Variants in NEURL3 observed in about 807,000 individuals in gnomAD.
NEURL3 encodes the protein E3 ubiquitin-protein ligase NEURL3.
In NEURL3, 19 loss-of-function variants were observed where a neutral mutation model predicts 17.6. That is an observed-to-expected ratio of 1.08 (90% CI 0.75 to 1.58). The LOEUF is 1.58. NEURL3 is among the 40% of genes most tolerant of loss of function. The probability of loss-of-function intolerance (pLI) is 0.00; values close to 1 mark genes in which losing one functional copy is unlikely to be tolerated. For missense variants in NEURL3, 342 were observed against 379.6 expected, an observed-to-expected ratio of 0.90 and a Z score of 0.82; for synonymous variants, 180 against 161.4, an observed-to-expected ratio of 1.11 and a Z score of -0.87.
At chr2:96,500,968 ACCCACCAGC>A in intron 1 of NEURL3, 44 bp from the exon 2 acceptor site, 1 of 1,475,714 alleles carries the variant, frequency 6.8e-7, no homozygotes, top group Non-Finnish European at 8.9e-7. Context: ...CCGGGTCTGG[ACCCACCAGC>A]TCCCCAGAGA....
chr2:96,506,046 C>A (rs1189568507), upstream of NEURL3, among the ~76,000 whole-genome samples: 1 of 152,172 alleles, frequency 6.6e-6, no homozygotes, highest in Non-Finnish European at 1.5e-5. Flanking sequence ...TCTAGCCCGT[C>A]AATATTTATT....
upstream of NEURL3, among the ~76,000 whole-genome samples, chr2:96,505,767 A>G (rs1236450637): frequency 6.6e-6 from 1 of 152,238 alleles, no homozygotes; most frequent in Admixed American, 6.5e-5. Context: ...AGACCCTGGC[A>G]CACAGAAGGA....
In NEURL3 at chr2:96,500,700, G is replaced by T. The variant is rs1207509059; in HGVS notation, c.253C>A (p.Pro85Thr). The change falls in exon 2 of 4, where the codon CCC becomes ACC. Residue 85 changes from proline (P) to threonine (T), a missense_variant. Transcript: ENST00000451794. ...GLRVGFTRLD[P>T]ACVSVPSLPP... The stretch of plus-strand genomic sequence containing the variant: ...AGGCTGGGCACGGACACGCACGCGG[G>T]GTCCAGGCGCGTGAAGCCCACGCGG... 2.4e-5 allele frequency: 36 copies of T among 1,514,100 alleles called. No homozygotes were observed. Among genetic ancestry groups the T allele is most frequent in the Non-Finnish European group, 3.0e-5 (34 of 1,138,322 alleles). The allele number at this position is 1,514,100 out of a possible 1,614,324, so 93.8% of individuals were successfully genotyped here. A position where few individuals can be genotyped will look rare whatever the true frequency, so the allele number is the denominator to read the frequency against.
At chr2:96,505,819 G>C (rs1295444963), upstream of NEURL3, among the ~76,000 whole-genome samples, 1 of 152,226 alleles carries the variant, frequency 6.6e-6, no homozygotes, top group Non-Finnish European at 1.5e-5. Context: ...TGCATTTGCT[G>C]TATCCCAGGA....
intron 1 of NEURL3, among the ~76,000 whole-genome samples, chr2:96,504,055 T>G (rs2065537327): frequency 6.6e-6 from 1 of 152,316 alleles, no homozygotes; most frequent in Non-Finnish European, 1.5e-5. Flanking sequence ...GGGGGTGGAC[T>G]GCCTGCGGGC....
chr2:96,500,796 G>C lies in NEURL3; in HGVS notation c.157C>G (p.Arg53Gly). The C allele has an allele frequency of 6.6e-7, 1 of 1,526,356 alleles. No homozygotes were observed. Among genetic ancestry groups the C allele is most frequent in the Non-Finnish European group, 8.8e-7 (1 of 1,142,194 alleles). The allele number at this position is 1,526,356 out of a possible 1,614,324, so 94.6% of individuals were successfully genotyped here. Residue 53 changes from arginine to glycine, a missense_variant, in exon 2 of 4, where the codon CGG becomes GGG. Arg to Gly is a moderately radical substitution (Grantham distance 125). Coordinates refer to ENST00000451794, the MANE Select transcript of NEURL3 (RefSeq NM_001285485.2). Reference sequence around the variant, plus strand: ...ACACGCTCGCCCAGGCGCACCGGCCGCTGGCTGAACACGATGCCGTCGTGG... The same window carrying C: ...ACACGCTCGCCCAGGCGCACCGGCCCCTGGCTGAACACGATGCCGTCGTGG... ...TFHDGIVFSQ[R>G]PVRLGERVAL...
intron 2 of NEURL3, chr2:96,500,148 A>G (rs2065487331): frequency 2.3e-6 from 1 of 444,212 alleles, no homozygotes; most frequent in Non-Finnish European, 4.1e-6. Context: ...AGCCAGCCCA[A>G]ATGTTTCTTC....
intron 1 of NEURL3, among the ~76,000 whole-genome samples, chr2:96,503,927 A>T (rs1202774054): frequency 2.6e-5 from 4 of 152,230 alleles, no homozygotes; most frequent in Non-Finnish European, 5.9e-5. Context: ...ACCTAGAGGC[A>T]GCCGCTCTTT....
intron 1 of NEURL3, among the ~76,000 whole-genome samples, chr2:96,503,759 C>G (rs2065533568): frequency 6.6e-6 from 1 of 152,174 alleles, no homozygotes; most frequent in Admixed American, 6.5e-5. Context: ...CTGCAGGGGT[C>G]CTCCCACACT....
intron 1 of NEURL3, among the ~76,000 whole-genome samples, chr2:96,502,179 C>A (rs967991954): frequency 6.6e-6 from 1 of 152,230 alleles, no homozygotes; most frequent in African/African-American, 2.4e-5. Flanking sequence ...ATTCACCCCT[C>A]GCCTGCGCCC....
At position 96,501,015 on chromosome 2, in the gene NEURL3, C is replaced by A. The variant is rs150503646; in HGVS notation, c.29-91G>T. On this transcript the variant is annotated intron_variant, in intron 1 of 3. Transcript: ENST00000451794. ...CCCCAGTATCCCAGAGTCCCTCACACCTGGGAGCACCTTGACCTTCCCCTA... is the reference window on the plus strand; with the variant it reads ...CCCCAGTATCCCAGAGTCCCTCACAACTGGGAGCACCTTGACCTTCCCCTA... 93 of 1,379,648 alleles carry A rather than the reference C, an allele frequency of 6.7e-5. 1 individual carries two copies. The Middle Eastern group carries it at 3.5e-3, about 52-fold the overall frequency. The allele number at this position is 1,379,648 out of a possible 1,614,324, so 85.5% of individuals were successfully genotyped here. A position where few individuals can be genotyped will look rare whatever the true frequency, so the allele number is the denominator to read the frequency against.
Position 96,499,456 on chromosome 2 carries a change from CAG to C in NEURL3, c.515-9_515-8del, listed in dbSNP as rs966000726. On this transcript the variant is annotated splice_region_variant and splice_polypyrimidine_tract_variant and intron_variant, in intron 2 of 3. Transcript: ENST00000451794. Reference sequence around the variant, plus strand: ...AGCCGGCTGGCTGTGGGATCTGAGGCAGAGAGAGAAACTCAGGTCCAGGACGG... The same window carrying C: ...AGCCGGCTGGCTGTGGGATCTGAGGCAGAGAGAAACTCAGGTCCAGGACGG... 34 of 1,599,308 alleles carry C rather than the reference CAG, an allele frequency of 2.1e-5. No individual in the cohort carries two copies. The highest frequency in any genetic ancestry group is 2.8e-5 in the Non-Finnish European group (33 of 1,179,730).
At chr2:96,505,452 A>G (rs2065553420), upstream of NEURL3, 2 of 672,756 alleles carry the variant, frequency 3.0e-6, no homozygotes, top group Admixed American at 5.1e-5. Flanking sequence ...TACTATATCC[A>G]GGGGATTTCC....
rs377316520 is a variant in NEURL3, at chr2:96,505,299, C to T, written c.-13G>A. 24 of 1,599,002 alleles carry T rather than the reference C, an allele frequency of 1.5e-5. No homozygotes were observed. The African/African-American group carries it at 2.1e-4, about 14-fold the overall frequency. ...GCTGGGCACCCATCAGTCTAAGGTCCTCGGGCACAGGTCCCCAGGTCTAGA... is the reference window on the plus strand; with the variant it reads ...GCTGGGCACCCATCAGTCTAAGGTCTTCGGGCACAGGTCCCCAGGTCTAGA... On this transcript the variant is annotated 5_prime_UTR_variant, in exon 1 of 4. Transcript: ENST00000451794.
rs1021563624 is a variant in NEURL3, at chr2:96,500,817, C to A, written c.136G>T (p.Asp46Tyr). Residue 46 changes from aspartate (D) to tyrosine (Y), a missense_variant, in exon 2 of 4, where the codon GAC becomes TAC. Coordinates refer to ENST00000451794, the MANE Select transcript of NEURL3 (RefSeq NM_001285485.2). ...GGCCGCTGGCTGAACACGATGCCGTCGTGGAACGTGGTGCGCCTGTGCGCG... is the reference window on the plus strand; with the variant it reads ...GGCCGCTGGCTGAACACGATGCCGTAGTGGAACGTGGTGCGCCTGTGCGCG... ...CIAHRRTTFHDGIVFSQRPVR... is the reference protein window; with the variant it reads ...CIAHRRTTFHYGIVFSQRPVR... 5.2e-6 allele frequency: 8 copies of A among 1,527,688 alleles called. No individual in the cohort carries two copies. In the Admixed American group the frequency reaches 9.9e-5, roughly 19 times the overall value. The allele number at this position is 1,527,688 out of a possible 1,614,324, so 94.6% of individuals were successfully genotyped here.
chr2:96,498,309 A>T lies in NEURL3; in HGVS notation c.724T>A (p.Trp242Arg), dbSNP rs769928677. 2 of 1,596,558 alleles carry T rather than the reference A, an allele frequency of 1.3e-6. No homozygotes were observed. The highest frequency in any genetic ancestry group is 1.7e-6 in the Non-Finnish European group (2 of 1,178,712). ...SDTAKCPVCR[W>R]QIEAVAPAQG... ...GCAGGGGCTACCGCCTCTATCTGCC[A>T]GCGGCACACAGGGCACTTGGCCGTA... Residue 242 changes from tryptophan to arginine, a missense_variant, in exon 4 of 4, where the codon TGG becomes AGG. Coordinates refer to ENST00000451794, the MANE Select transcript of NEURL3 (RefSeq NM_001285485.2). The surrounding 1 kb of genome is among the most constrained non-coding windows in gnomAD (Gnocchi z 4.4).
At chr2:96,502,465 C>G (rs1264628552) in intron 1 of NEURL3, among the ~76,000 whole-genome samples, 1 of 152,240 alleles carries the variant, frequency 6.6e-6, no homozygotes, top group Admixed American at 6.5e-5. Flanking sequence ...GGTCACTGTC[C>G]TCCAGGGCCC....
At position 96,500,466 on chromosome 2, in the gene NEURL3, C is replaced by A; in HGVS notation, c.487G>T (p.Gly163Trp). The A allele has an allele frequency of 2.5e-6, 4 of 1,597,154 alleles. No individual in the cohort carries two copies. Among genetic ancestry groups the A allele is most frequent in the Non-Finnish European group, 3.4e-6 (4 of 1,179,202 alleles). The change falls in exon 2 of 4, where the codon GGG becomes TGG. Residue 163 changes from glycine to tryptophan, a missense_variant. Physicochemically the swap from Gly to Trp is radical, Grantham distance 184 (BLOSUM62 -2). Transcript: ENST00000451794. Reference sequence around the variant, plus strand: ...AGCAGCTCGATGGCCTTAGTGGTCCCATACACGTCCATCACGGCCCAGAGC... The same window carrying A: ...AGCAGCTCGATGGCCTTAGTGGTCCAATACACGTCCATCACGGCCCAGAGC... ...APLWAVMDVY[G>W]TTKAIELLDP...
At chr2:96,499,254 C>T (rs2065473196) in intron 3 of NEURL3, 124 bp downstream of exon 3, 1 of 1,462,576 alleles carries the variant, frequency 6.8e-7, no homozygotes, top group Non-Finnish European at 9.0e-7. Flanking sequence ...GTAGGCAGAG[C>T]CAAATCTTTT....
Sources: allele counts gnomAD v4.1 joint callset (sites outside exome capture counted in the v4.1 genomes callset), GRCh38; gene constraint gnomAD v4.1.1; non-coding constraint Gnocchi (gnomAD v3.1); transcripts MANE v1.5; gene names NCBI Gene and HGNC (gene_info 2026-07-23, HGNC 2026-07-21).